RTN1: variants seen among roughly 807,000 people sequenced by gnomAD.
RTN1 encodes the protein reticulon-1.
Under a neutral mutation model 65.5 loss-of-function variants are expected in RTN1, and 25 were observed. The observed-to-expected ratio is 0.38, with a 90% CI of 0.28 to 0.53. The LOEUF is 0.53. Among genes scored for constraint, RTN1 ranks in the 20% least tolerant of loss-of-function variants. The pLI is 0.79. For missense variants in RTN1, 983 were observed against 1,025.4 expected (o/e 0.96, Z 0.57); for synonymous variants, 471 against 447.6 (o/e 1.05, Z -0.66).
intron 1 of RTN1, among the ~76,000 whole-genome samples, chr14:59,776,840 T>A (rs957134416): frequency 9.2e-5 from 14 of 152,188 alleles, no homozygotes; most frequent in Non-Finnish European, 2.1e-4. Flanking sequence ...CAACTCAGTT[T>A]ACCAGAAATA....
chr14:59,669,376 G>T (rs997622588), intron 3 of RTN1, among the ~76,000 whole-genome samples: 3 of 152,072 alleles, frequency 2.0e-5, no homozygotes, highest in Non-Finnish European at 1.5e-5. Context: ...AACACTGCAT[G>T]TTCTCACTCA....
At chr14:59,828,085 T>C (rs1884473886) in intron 1 of RTN1, among the ~76,000 whole-genome samples, 1 of 152,242 alleles carries the variant, frequency 6.6e-6, no homozygotes, top group Admixed American at 6.5e-5. Flanking sequence ...TATATTGGAA[T>C]GTGGCTTAGC....
chr14:59,656,350 G>C (rs1229765354), intron 3 of RTN1, among the ~76,000 whole-genome samples: 3 of 152,148 alleles, frequency 2.0e-5, no homozygotes, highest in African/African-American at 4.8e-5. Flanking sequence ...ATGTTTTATG[G>C]TATATAAATT....
intron 3 of RTN1, among the ~76,000 whole-genome samples, chr14:59,695,847 T>C (rs1884052603): frequency 6.6e-6 from 1 of 152,026 alleles, no homozygotes; most frequent in South Asian, 2.1e-4. Context: ...TATATACATA[T>C]ACATACATAT....
chr14:59,738,930 A>G (rs963053720), intron 2 of RTN1, among the ~76,000 whole-genome samples: 3 of 152,178 alleles, frequency 2.0e-5, no homozygotes, highest in African/African-American at 7.2e-5. Context: ...GTTCTCACTT[A>G]TAAGTGGGAA....
At chr14:59,697,650 T>A (rs1439573803) in intron 3 of RTN1, among the ~76,000 whole-genome samples, 1 of 152,184 alleles carries the variant, frequency 6.6e-6, no homozygotes, top group Non-Finnish European at 1.5e-5. Context: ...GGCCTAGTAC[T>A]TCCACCCAAA....
At chr14:59,786,012 G>A (rs751389673) in intron 1 of RTN1, among the ~76,000 whole-genome samples, 12 of 152,112 alleles carry the variant, frequency 7.9e-5, no homozygotes, top group Non-Finnish European at 1.3e-4. Flanking sequence ...TTGGCCACAA[G>A]GCACATAAAT....
intron 1 of RTN1, among the ~76,000 whole-genome samples, chr14:59,781,616 C>G (rs1212042374): frequency 6.6e-6 from 1 of 152,090 alleles, no homozygotes; most frequent in Non-Finnish European, 1.5e-5. Context: ...CTGGCCAATA[C>G]TTTTTCCTTC....
intron 3 of RTN1, among the ~76,000 whole-genome samples, chr14:59,705,860 G>T (rs1361577478): frequency 6.6e-6 from 1 of 152,158 alleles, no homozygotes; most frequent in African/African-American, 2.4e-5. Flanking sequence ...TGGCCGTTTG[G>T]CATGCTGAGT....
At chr14:59,599,595 CA>C (rs1881515737) in intron 8 of RTN1, among the ~76,000 whole-genome samples, 1 of 152,138 alleles carries the variant, frequency 6.6e-6, no homozygotes, top group Admixed American at 6.6e-5. Context: ...CATACATCTC[CA>C]TTTTTTTCCA....
At chr14:59,789,784 T>G (rs779018305) in intron 1 of RTN1, among the ~76,000 whole-genome samples, 2 of 151,990 alleles carry the variant, frequency 1.3e-5, no homozygotes, top group African/African-American at 2.4e-5. Context: ...CTAACAAAAC[T>G]AGGAACAATC....
At chr14:59,634,405 T>A (rs1165095033) in intron 3 of RTN1, among the ~76,000 whole-genome samples, 1 of 152,172 alleles carries the variant, frequency 6.6e-6, no homozygotes, top group Non-Finnish European at 1.5e-5. Context: ...AATAAGGAAA[T>A]TTTAAAAGGC....
intron 1 of RTN1, among the ~76,000 whole-genome samples, chr14:59,799,449 G>T (rs1161451623): frequency 6.6e-6 from 1 of 152,186 alleles, no homozygotes; most frequent in African/African-American, 2.4e-5. Context: ...GCAGCCAAGA[G>T]AACTGAATTT....
intron 2 of RTN1, among the ~76,000 whole-genome samples, chr14:59,732,048 A>G (rs571501345): frequency 2.6e-5 from 4 of 152,246 alleles, no homozygotes; most frequent in Non-Finnish European, 2.9e-5. Flanking sequence ...AGAGGAGGTC[A>G]TTGAGGAAGC....
intron 1 of RTN1, among the ~76,000 whole-genome samples, chr14:59,792,351 A>G (rs923454673): frequency 3.2e-4 from 40 of 125,094 alleles, no homozygotes; most frequent in African/African-American, 1.3e-3. Context: ...GAGAAAAGAG[A>G]AAAGACTTCA....
chr14:59,606,883 C>A (rs1242253932), intron 4 of RTN1, among the ~76,000 whole-genome samples: 1 of 152,314 alleles, frequency 6.6e-6, no homozygotes, highest in African/African-American at 2.4e-5. Context: ...GACCCAAATA[C>A]CCTAGTCCTG....
At chr14:59,599,839 A>G (rs542655635) in intron 8 of RTN1, among the ~76,000 whole-genome samples, 1 of 152,236 alleles carries the variant, frequency 6.6e-6, no homozygotes, top group African/African-American at 2.4e-5. Flanking sequence ...CTCCTTTCCA[A>G]TTTGAGTTTT....
At chr14:59,837,155 C>T (rs917869766) in intron 1 of RTN1, among the ~76,000 whole-genome samples, 1 of 151,498 alleles carries the variant, frequency 6.6e-6, no homozygotes, top group African/African-American at 2.4e-5. Context: ...GAGTAGGAAG[C>T]TTAGAAACAG....
chr14:59,718,742 T>C (rs757624804), intron 3 of RTN1, among the ~76,000 whole-genome samples: 4 of 152,050 alleles, frequency 2.6e-5, no homozygotes, highest in Admixed American at 6.6e-5. Flanking sequence ...AAAAAACGAG[T>C]TCAATGACTA....
Sources: allele counts gnomAD v4.1 joint callset (sites outside exome capture counted in the v4.1 genomes callset), GRCh38; gene constraint gnomAD v4.1.1; transcripts MANE v1.5; gene names NCBI Gene and HGNC (gene_info 2026-07-23, HGNC 2026-07-21).